CES5A: variants seen among roughly 807,000 people sequenced by gnomAD.
The protein encoded by CES5A is carboxylesterase 5.
A neutral mutation model predicts 62.9 loss-of-function variants in CES5A; 67 were observed. The observed-to-expected ratio is 1.07, with a 90% CI of 0.88 to 1.31. CES5A has a LOEUF of 1.31. Among genes scored for constraint, CES5A ranks in the 50% most tolerant of loss-of-function variants. The probability of loss-of-function intolerance (pLI) is 0.00; values close to 1 mark genes in which losing one functional copy is unlikely to be tolerated. For synonymous variants in CES5A, 296 were observed against 280.8 expected (o/e 1.05, Z -0.54); for missense variants, 748 against 708.5 (o/e 1.06, Z -0.63).
chr16:55,854,536 T>TTTCTTTC (rs2033198277), intron 9 of CES5A, among the ~76,000 whole-genome samples: 7 of 75,538 alleles, frequency 9.3e-5, no homozygotes, highest in African/African-American at 1.5e-4. Context: ...TGTTTCTTTT[T>TTTCTTTC]TTTTTTTCTT....
Position 55,849,668 on chromosome 16 carries a change from A to G in CES5A, c.1379T>C (p.Phe460Ser). 6.2e-7 allele frequency: 1 copy of G among 1,614,010 alleles called. No individual in the cohort carries two copies. Among genetic ancestry groups the G allele is most frequent in the Middle Eastern group, 1.6e-4 (1 of 6,062 alleles). Residue 460 changes from phenylalanine to serine, a missense_variant, in exon 11 of 13, where the codon TTT becomes TCT. Physicochemically the swap from Phe to Ser is radical, Grantham distance 155. Transcript: ENST00000290567. ...VKADHADEVR[F>S]VFGGAFLKGD... ...CTTCAGGAAGGCACCACCGAACACA[A>G]AGCGGACTTCATCAGCGTGGTCGGC...
At chr16:55,931,755 G>A (rs1264822894) in intron 2 of CES5A, among the ~76,000 whole-genome samples, 1 of 152,152 alleles carries the variant, frequency 6.6e-6, no homozygotes, top group Non-Finnish European at 1.5e-5. Flanking sequence ...CAAACCCACT[G>A]CACCCTGACT....
intron 1 of CES5A, among the ~76,000 whole-genome samples, chr16:55,893,336 T>C (rs1374007224): frequency 6.6e-6 from 1 of 151,874 alleles, no homozygotes; most frequent in Non-Finnish European, 1.5e-5. Context: ...ATTGGAATCA[T>C]AAAGAAACAA....
At chr16:55,880,727 A>C (rs1310760789) in intron 1 of CES5A, among the ~76,000 whole-genome samples, 1 of 152,200 alleles carries the variant, frequency 6.6e-6, no homozygotes, top group Non-Finnish European at 1.5e-5. Context: ...CTAGGTATAG[A>C]GGCAAGGGTA....
At chr16:55,902,170 A>G (rs2033996385) in intron 1 of CES5A, among the ~76,000 whole-genome samples, 1 of 152,152 alleles carries the variant, frequency 6.6e-6, no homozygotes, top group African/African-American at 2.4e-5. Flanking sequence ...ATCCTCTGGC[A>G]GGCCAGGGCA....
At chr16:55,882,499 C>G (rs577469765) in intron 1 of CES5A, among the ~76,000 whole-genome samples, 2 of 152,318 alleles carry the variant, frequency 1.3e-5, no homozygotes, top group African/African-American at 4.8e-5. Flanking sequence ...CCGTCACAGG[C>G]CTGCCAAATC....
intron 1 of CES5A, among the ~76,000 whole-genome samples, chr16:55,922,796 A>C (rs1475364315): frequency 6.6e-6 from 1 of 151,962 alleles, no homozygotes; most frequent in Non-Finnish European, 1.5e-5. Flanking sequence ...CAGGTGATAA[A>C]ACAAGTCTCA....
intron 10 of CES5A, among the ~76,000 whole-genome samples, chr16:55,850,095 A>G (rs1567322318): frequency 6.6e-6 from 1 of 152,208 alleles, no homozygotes; most frequent in Non-Finnish European, 1.5e-5. Context: ...CTTTCTTTTC[A>G]TTACTGAACT....
chr16:55,879,577 T>A (rs147112476), upstream of CES5A, among the ~76,000 whole-genome samples: 110 of 152,248 alleles, frequency 7.2e-4, no homozygotes, highest in African/African-American at 2.4e-3. Flanking sequence ...TTATTATGTT[T>A]TCCTCCCCTG....
intron 8 of CES5A, 35 bp from the exon 9 acceptor site, chr16:55,856,480 G>A (rs372660329): frequency 8.7e-6 from 14 of 1,605,250 alleles, no homozygotes; most frequent in Non-Finnish European, 1.1e-5. Context: ...TAAGCCATCT[G>A]GTCATGAGAA....
chr16:55,940,325 G>A (rs1308098191), intron 2 of CES5A, among the ~76,000 whole-genome samples: 4 of 151,940 alleles, frequency 2.6e-5, no homozygotes, highest in Admixed American at 2.0e-4. Flanking sequence ...AGATACAAAT[G>A]ATTAATATCA....
chr16:55,930,085 G>T (rs2034294696), upstream of CES5A, among the ~76,000 whole-genome samples: 1 of 152,024 alleles, frequency 6.6e-6, no homozygotes. Flanking sequence ...ATGGTCAGAT[G>T]GAACACACCC....
At chr16:55,847,776 G>A (rs970709112) in intron 11 of CES5A, among the ~76,000 whole-genome samples, 1 of 152,150 alleles carries the variant, frequency 6.6e-6, no homozygotes, top group African/African-American at 2.4e-5. Context: ...TAATGTATAT[G>A]TCATATTTCC....
intron 8 of CES5A, among the ~76,000 whole-genome samples, chr16:55,858,895 C>T (rs1459469600): frequency 2.0e-5 from 3 of 152,128 alleles, no homozygotes; most frequent in Non-Finnish European, 4.4e-5. Flanking sequence ...AAGAGCGTTT[C>T]CTGACCACCT....
chr16:55,923,491 A>G (rs1176054430), intron 1 of CES5A, among the ~76,000 whole-genome samples: 2 of 151,920 alleles, frequency 1.3e-5, no homozygotes, highest in Admixed American at 6.6e-5. Context: ...ATCTCAATAA[A>G]CCAATAATAA....
chr16:55,872,559 G>GT (rs2033613428), intron 2 of CES5A, among the ~76,000 whole-genome samples: 1 of 152,198 alleles, frequency 6.6e-6, no homozygotes, highest in Admixed American at 6.5e-5. Flanking sequence ...ATGATACACC[G>GT]TAAGATTAAG....
intron 2 of CES5A, among the ~76,000 whole-genome samples, chr16:55,947,421 C>T (rs1175476122): frequency 6.6e-6 from 1 of 152,144 alleles, no homozygotes; most frequent in Non-Finnish European, 1.5e-5. Flanking sequence ...ATTAAAATTT[C>T]ATTTATTGAC....
chr16:55,908,623 G>C (rs2034063353), intron 1 of CES5A, among the ~76,000 whole-genome samples: 1 of 152,182 alleles, frequency 6.6e-6, no homozygotes, highest in Non-Finnish European at 1.5e-5. Flanking sequence ...GCCTCCCTAA[G>C]TGCTGGGATT....
intron 1 of CES5A, among the ~76,000 whole-genome samples, chr16:55,904,779 G>A (rs1396867880): frequency 6.6e-6 from 1 of 152,058 alleles, no homozygotes; most frequent in African/African-American, 2.4e-5. Flanking sequence ...CAGCATAATG[G>A]CACCAGACAC....
Sources: allele counts gnomAD v4.1 joint callset (sites outside exome capture counted in the v4.1 genomes callset), GRCh38; gene constraint gnomAD v4.1.1; transcripts MANE v1.5; gene names NCBI Gene and HGNC (gene_info 2026-07-23, HGNC 2026-07-21).